The following DLGAP1 variants were observed in gnomAD, a reference collection of about 807,000 sequenced individuals.
DLGAP1 encodes DLG associated protein 1, also known as disks large-associated protein 1.
DLGAP1 carries 11 observed loss-of-function variants against 90.8 expected under a neutral mutation model. The observed-to-expected ratio is 0.12, with a 90% confidence interval of 0.08 to 0.20. The LOEUF (loss-of-function observed/expected upper bound fraction) is 0.20. DLGAP1 is among the 10% of genes least tolerant of loss of function. The pLI, the probability that DLGAP1 is intolerant of heterozygous loss-of-function variation, is 1.00. For synonymous variants in DLGAP1, 558 were observed against 540.7 expected (o/e 1.03, Z -0.44); for missense variants, 1,050 against 1,333.8 (o/e 0.79, Z 3.31).
At chr18:4,236,724 T>C (rs528317061) in intron 1 of DLGAP1, among the ~76,000 whole-genome samples, 5 of 151,960 alleles carry the variant, frequency 3.3e-5, no homozygotes, top group Non-Finnish European at 5.9e-5. Context: ...TTCTACTAGA[T>C]AAAATAAAAT....
intron 3 of DLGAP1, among the ~76,000 whole-genome samples, chr18:3,977,431 T>A (rs1770210766): frequency 2.0e-5 from 2 of 101,170 alleles, no homozygotes; most frequent in African/African-American, 7.7e-5. Context: ...ATGTTTATTC[T>A]GTGTTTTTTT....
At chr18:4,387,811 G>A (rs1055124231) in intron 1 of DLGAP1, among the ~76,000 whole-genome samples, 3 of 152,048 alleles carry the variant, frequency 2.0e-5, no homozygotes, top group African/African-American at 7.2e-5. Context: ...TGTGCCTGTA[G>A]TCCCAGCTAC....
rs76286013 is a variant in DLGAP1, at chr18:3,843,608, T to C, written c.958-29335A>G. 6.0e-3 allele frequency among the ~76,000 whole-genome samples: 916 copies of C among 152,288 alleles called. 11 individuals carry two copies. The highest frequency in any genetic ancestry group is 0.021 in the African/African-American group (874 of 41,568). On this transcript the variant is annotated intron_variant, in intron 4 of 12. Coordinates refer to ENST00000315677, the MANE Select transcript of DLGAP1 (RefSeq NM_004746.4). Reference sequence around the variant, plus strand: ...TAACAGTGCACGGGGCAGCCCAGCATGCTCTGGAGCGATGAGGGGTGAGAG... The same window carrying C: ...TAACAGTGCACGGGGCAGCCCAGCACGCTCTGGAGCGATGAGGGGTGAGAG...
intron 3 of DLGAP1, among the ~76,000 whole-genome samples, chr18:3,980,337 A>G (rs565868323): frequency 6.6e-6 from 1 of 152,200 alleles, no homozygotes; most frequent in East Asian, 1.9e-4. Flanking sequence ...GGAGCAGCCC[A>G]GTTCCAAACT....
At chr18:4,215,119 A>G (rs768635855) in intron 1 of DLGAP1, among the ~76,000 whole-genome samples, 4 of 152,158 alleles carry the variant, frequency 2.6e-5, no homozygotes, top group Non-Finnish European at 5.9e-5. Flanking sequence ...AATATGCAAG[A>G]TAATTTTGTA....
intron 2 of DLGAP1, among the ~76,000 whole-genome samples, chr18:4,103,130 T>A (rs1671555840): frequency 6.6e-6 from 1 of 152,228 alleles, no homozygotes; most frequent in African/African-American, 2.4e-5. Context: ...TTTTTTCCCT[T>A]TCTTCTTCCT....
chr18:3,599,336 A>C (rs2056769636), intron 7 of DLGAP1, among the ~76,000 whole-genome samples: 1 of 152,282 alleles, frequency 6.6e-6, no homozygotes, highest in South Asian at 2.1e-4. Context: ...TTATCTGGGC[A>C]TGCCCAGCAA....
intron 3 of DLGAP1, among the ~76,000 whole-genome samples, chr18:3,999,312 T>C (rs1194945165): frequency 6.6e-6 from 1 of 152,132 alleles, no homozygotes; most frequent in African/African-American, 2.4e-5. Flanking sequence ...TTTATATGTA[T>C]ATAACCTGGA....
chr18:3,998,445 T>C (rs2315257), intron 3 of DLGAP1, among the ~76,000 whole-genome samples: 144,882 of 152,118 alleles, frequency 0.95, 68,998 homozygotes, highest in East Asian at 1. Context: ...AAGCCGTTTA[T>C]GATATTCCAG....
At chr18:4,180,809 A>C (rs530717556) in intron 1 of DLGAP1, among the ~76,000 whole-genome samples, 6 of 152,244 alleles carry the variant, frequency 3.9e-5, no homozygotes, top group African/African-American at 1.2e-4. Flanking sequence ...GGAGGAAGTA[A>C]TGGAGAAACT....
Position 4,441,539 on chromosome 18 carries a change from C to T in DLGAP1, c.-267+13467G>A, listed in dbSNP as rs554654361. Among the ~76,000 whole-genome samples, 7 of 152,214 alleles carry T rather than the reference C, an allele frequency of 4.6e-5. No homozygotes were observed. In the South Asian group the frequency reaches 1.0e-3, roughly 23 times the overall value. Reference sequence around the variant, plus strand: ...AGGACACATGGTGATTTCTTAATACCGCAGGCATTCTAGAACAAAGCAGCT... The same window carrying T: ...AGGACACATGGTGATTTCTTAATACTGCAGGCATTCTAGAACAAAGCAGCT... On this transcript the variant is annotated intron_variant, in intron 1 of 12. Coordinates refer to ENST00000315677, the MANE Select transcript of DLGAP1 (RefSeq NM_004746.4).
chr18:3,593,039 C>T (rs1449201754), intron 7 of DLGAP1, among the ~76,000 whole-genome samples: 1 of 152,108 alleles, frequency 6.6e-6, no homozygotes, highest in Non-Finnish European at 1.5e-5. Context: ...CCTAACTCAT[C>T]TAGAGATTCA....
At chr18:3,893,688 T>C (rs1350847158) in intron 3 of DLGAP1, among the ~76,000 whole-genome samples, 1 of 151,756 alleles carries the variant, frequency 6.6e-6, no homozygotes, top group East Asian at 1.9e-4. Flanking sequence ...TGAATAGTGC[T>C]GCAATAAACA....
intron 2 of DLGAP1, among the ~76,000 whole-genome samples, chr18:4,079,406 C>T (rs1188687854): frequency 6.6e-6 from 1 of 151,482 alleles, no homozygotes; most frequent in Non-Finnish European, 1.5e-5. Context: ...GAGTTGGAGG[C>T]TATTATTCTA....
intron 2 of DLGAP1, among the ~76,000 whole-genome samples, chr18:4,033,082 A>C (rs538665163): frequency 1.3e-5 from 2 of 152,330 alleles, no homozygotes; most frequent in South Asian, 4.1e-4. Flanking sequence ...TTTCCATTAG[A>C]TTGGAAGGTA....
At chr18:3,713,849 A>G (rs1001449419) in intron 7 of DLGAP1, among the ~76,000 whole-genome samples, 8 of 152,210 alleles carry the variant, frequency 5.3e-5, no homozygotes, top group African/African-American at 1.9e-4. Context: ...ACATTTGAAC[A>G]TATGGGAAAT....
intron 7 of DLGAP1, among the ~76,000 whole-genome samples, chr18:3,662,266 A>C (rs1017800645): frequency 5.9e-5 from 9 of 152,268 alleles, no homozygotes; most frequent in Middle Eastern, 6.8e-3. Flanking sequence ...TAACACTCCT[A>C]GGGGGTGGCT....
chr18:3,944,655 A>AT (rs1306729233), intron 3 of DLGAP1, among the ~76,000 whole-genome samples: 7 of 152,262 alleles, frequency 4.6e-5, no homozygotes, highest in Non-Finnish European at 1.0e-4. Context: ...AACCATGCTC[A>AT]TCCCTGGGTA....
At chr18:4,060,493 C>T (rs772758998) in intron 2 of DLGAP1, among the ~76,000 whole-genome samples, 5 of 152,202 alleles carry the variant, frequency 3.3e-5, no homozygotes, top group Non-Finnish European at 5.9e-5. Context: ...TTAACCTCGA[C>T]AGTCCTGCCT....
Sources: allele counts gnomAD v4.1 joint callset (sites outside exome capture counted in the v4.1 genomes callset), GRCh38; gene constraint gnomAD v4.1.1; transcripts MANE v1.5; gene names NCBI Gene and HGNC (gene_info 2026-07-23, HGNC 2026-07-21).